Variants in IMMP2L observed in about 807,000 individuals in gnomAD.
IMMP2L encodes the protein mitochondrial inner membrane protease subunit 2.
IMMP2L carries 18 observed loss-of-function variants against 19.3 expected under a neutral mutation model. The ratio of observed to expected loss-of-function variants is 0.93; its 90% confidence interval spans 0.64 to 1.38. IMMP2L has a LOEUF of 1.38. IMMP2L is among the 40% of genes most tolerant of loss of function. IMMP2L has a pLI of 0.00. For missense variants in IMMP2L, 233 were observed against 218.2 expected (o/e 1.07, Z -0.43); for synonymous variants, 76 against 73.0 (o/e 1.04, Z -0.21).
chr7:111,029,505 C>T (rs1289376945), intron 3 of IMMP2L, among the ~76,000 whole-genome samples: 1 of 152,086 alleles, frequency 6.6e-6, no homozygotes, highest in Non-Finnish European at 1.5e-5. Context: ...GTGGCTCTGA[C>T]CAGAGAGGAA....
At chr7:111,006,726 C>CA (rs1824325467) in intron 3 of IMMP2L, among the ~76,000 whole-genome samples, 1 of 152,118 alleles carries the variant, frequency 6.6e-6, no homozygotes, top group Non-Finnish European at 1.5e-5. Flanking sequence ...AACAGGCTCT[C>CA]ACCTTTTGCG....
In IMMP2L at chr7:110,728,217, G is replaced by A. The variant is rs1796027175; in HGVS notation, c.409-64496C>T. ...CAATATTATTAATAATCTTAAAGGC[G>A]ACTGGGAGTGGTGGTTCACGCCTGT... is the stretch of plus-strand genomic sequence containing the variant. On this transcript the variant is annotated intron_variant, in intron 5 of 5. Transcript: ENST00000405709. This position sits in a 1 kb window ranked among gnomAD's most constrained non-coding sequence, Gnocchi z 4.6. 6.6e-6 allele frequency among the ~76,000 whole-genome samples: 1 copy of A among 152,126 alleles called. No individual in the cohort carries two copies. Among genetic ancestry groups the A allele is most frequent in the East Asian group, 1.9e-4 (1 of 5,196 alleles).
At chr7:111,174,362 G>C (rs1464840298) in intron 3 of IMMP2L, among the ~76,000 whole-genome samples, 1 of 151,564 alleles carries the variant, frequency 6.6e-6, no homozygotes, top group African/African-American at 2.4e-5. Context: ...TCAAAACCTA[G>C]TCTTCTGACT....
chr7:111,091,909 A>G (rs1422691418), intron 3 of IMMP2L, among the ~76,000 whole-genome samples: 1 of 152,066 alleles, frequency 6.6e-6, no homozygotes, highest in Non-Finnish European at 1.5e-5. Flanking sequence ...GTCACGGGTG[A>G]TGGGGTGCAA....
At chr7:110,759,383 G>A (rs78458547) in intron 5 of IMMP2L, among the ~76,000 whole-genome samples, 3,384 of 152,154 alleles carry the variant, frequency 0.022, 50 homozygotes, top group Non-Finnish European at 0.036. Flanking sequence ...AACATTTGCC[G>A]AATGAATGAA....
intron 5 of IMMP2L, among the ~76,000 whole-genome samples, chr7:110,857,589 T>C (rs1436830099): frequency 1.3e-5 from 2 of 152,116 alleles, no homozygotes; most frequent in Non-Finnish European, 2.9e-5. Flanking sequence ...TCAAACTGAC[T>C]AAATCAGAAA....
At chr7:111,558,169 A>C (rs1791598124) in intron 1 of IMMP2L, among the ~76,000 whole-genome samples, 1 of 152,204 alleles carries the variant, frequency 6.6e-6, no homozygotes, top group African/African-American at 2.4e-5. Context: ...CTAGGAAACA[A>C]GTAATTCATT....
At chr7:110,980,448 C>T (rs1563131155) in intron 3 of IMMP2L, among the ~76,000 whole-genome samples, 1 of 151,694 alleles carries the variant, frequency 6.6e-6, no homozygotes. Flanking sequence ...GATCTCCTGA[C>T]CTCGTGATCC....
At position 111,192,343 on chromosome 7, in the gene IMMP2L, CCTTT is replaced by C. The variant is rs1808977823; in HGVS notation, c.240-228782_240-228779del. On this transcript the variant is annotated intron_variant, in intron 3 of 5. Coordinates refer to ENST00000405709, the MANE Select transcript of IMMP2L (RefSeq NM_032549.4). ...GGAACTCCAATAAAGTCATTTGTTTCCTTTGACTTTTAAAAATATCATGTGTCAA... is the reference window on the plus strand; with the variant it reads ...GGAACTCCAATAAAGTCATTTGTTTCGACTTTTAAAAATATCATGTGTCAA... Among the ~76,000 whole-genome samples the C allele has an allele frequency of 3.9e-5, 6 of 152,138 alleles. No homozygotes were observed. In the South Asian group the frequency reaches 8.3e-4, roughly 21 times the overall value.
chr7:111,041,165 C>A (rs1217387414), intron 3 of IMMP2L, among the ~76,000 whole-genome samples: 2 of 151,832 alleles, frequency 1.3e-5, no homozygotes, highest in Non-Finnish European at 2.9e-5. Context: ...TTATTGTTTT[C>A]CTGGGGCTCA....
At chr7:110,993,244 A>C (rs2129559916) in intron 3 of IMMP2L, among the ~76,000 whole-genome samples, 1 of 152,252 alleles carries the variant, frequency 6.6e-6, no homozygotes, top group Admixed American at 6.5e-5. Flanking sequence ...AGGAAGAAGT[A>C]ACATCACCAC....
At chr7:110,749,679 A>T (rs1186150823) in intron 5 of IMMP2L, among the ~76,000 whole-genome samples, 2 of 152,104 alleles carry the variant, frequency 1.3e-5, no homozygotes, top group East Asian at 3.9e-4. Context: ...TCTCACTCAT[A>T]AGTGGGAGTT....
chr7:111,329,050 T>C (rs1348244107), intron 3 of IMMP2L, among the ~76,000 whole-genome samples: 1 of 151,856 alleles, frequency 6.6e-6, no homozygotes, highest in Non-Finnish European at 1.5e-5. Flanking sequence ...CCTACAATAA[T>C]TTAAAAGATC....
chr7:111,452,660 A>AACAGG (rs1426276429), intron 3 of IMMP2L, among the ~76,000 whole-genome samples: 16 of 152,152 alleles, frequency 1.1e-4, no homozygotes, highest in African/African-American at 3.4e-4. Context: ...CTCTGCCACT[A>AACAGG]AATCTCTGTG....
intron 3 of IMMP2L, among the ~76,000 whole-genome samples, chr7:111,202,629 TA>T (rs1242034662): frequency 6.6e-6 from 1 of 152,164 alleles, no homozygotes; most frequent in African/African-American, 2.4e-5. Flanking sequence ...AGAGACTGGC[TA>T]AAACAGTGCT....
chr7:111,160,651 C>CA (rs1805155440), intron 3 of IMMP2L, among the ~76,000 whole-genome samples: 1 of 142,564 alleles, frequency 7.0e-6, no homozygotes, highest in Non-Finnish European at 1.6e-5. Flanking sequence ...GGAAGTTAGA[C>CA]AATGAGAAAT....
In IMMP2L at chr7:111,546,005, T is replaced by C. The variant is rs145889891; in HGVS notation, c.-3+15846A>G. 2.1e-3 allele frequency among the ~76,000 whole-genome samples: 323 copies of C among 152,234 alleles called. 3 individuals are homozygous for C. The highest frequency in any genetic ancestry group is 7.4e-3 in the African/African-American group (306 of 41,568). Reference sequence around the variant, plus strand: ...ATCTATTCATTGTTCTGCATTTTCCTTTTTGATTTACTACATCCTGAAGAT... The same window carrying C: ...ATCTATTCATTGTTCTGCATTTTCCCTTTTGATTTACTACATCCTGAAGAT... On this transcript the variant is annotated intron_variant, in intron 1 of 5. Transcript: ENST00000405709.
At chr7:110,838,222 A>C (rs1021506555) in intron 5 of IMMP2L, among the ~76,000 whole-genome samples, 1 of 152,172 alleles carries the variant, frequency 6.6e-6, no homozygotes, top group Admixed American at 6.6e-5. Context: ...ATACACATTT[A>C]TCTATAAATA....
At chr7:111,113,037 A>G in intron 3 of IMMP2L, among the ~76,000 whole-genome samples, 1 of 152,170 alleles carries the variant, frequency 6.6e-6, no homozygotes, top group East Asian at 1.9e-4. Flanking sequence ...TGAGAACCAT[A>G]TTTTATTATA....
Sources: gnomAD v4.1 joint callset for allele counts (sites outside exome capture counted in the v4.1 genomes callset) on GRCh38, gnomAD v4.1.1 for gene constraint, Gnocchi (gnomAD v3.1) non-coding constraint, MANE v1.5 for transcripts, NCBI Gene and HGNC (gene_info 2026-07-23, HGNC 2026-07-21) for gene names.